The following HUNK variants were observed in gnomAD, a reference collection of about 807,000 sequenced individuals.
The protein encoded by HUNK is hormonally up-regulated Neu-associated kinase, also known as hormonally up-regulated neu tumor-associated kinase.
A neutral mutation model predicts 61.0 loss-of-function variants in HUNK; 21 were observed. The ratio of observed to expected loss-of-function variants is 0.34; its 90% CI spans 0.24 to 0.50. The LOEUF (loss-of-function observed/expected upper bound fraction) is 0.50. HUNK is among the 20% of genes least tolerant of loss of function. The pLI, the probability that HUNK is intolerant of heterozygous loss-of-function variation, is 0.98. For missense variants in HUNK, 772 were observed against 945.7 expected, an observed-to-expected ratio of 0.82 and a Z score of 2.41; for synonymous variants, 371 against 386.1, an observed-to-expected ratio of 0.96 and a Z score of 0.46.
At chr21:31,998,439 T>TTAA in intron 10 of HUNK, 87 bp from the exon 11 acceptor site, 1 of 1,284,574 alleles carries the variant, frequency 7.8e-7, no homozygotes, top group Non-Finnish European at 1.1e-6. Context: ...ACTGTCTCAG[T>TTAA]TAAGCTGGAG....
At chr21:31,882,331 A>T (rs1293603714) in intron 1 of HUNK, among the ~76,000 whole-genome samples, 1 of 152,134 alleles carries the variant, frequency 6.6e-6, no homozygotes, top group Non-Finnish European at 1.5e-5. Context: ...GGAATTGGTA[A>T]TACAGACACA....
At chr21:31,954,290 G>A (rs1231983444) in intron 4 of HUNK, among the ~76,000 whole-genome samples, 1 of 152,196 alleles carries the variant, frequency 6.6e-6, no homozygotes, top group Non-Finnish European at 1.5e-5. Context: ...AGGTCGTAGA[G>A]CAGTGGTCTG....
intron 1 of HUNK, among the ~76,000 whole-genome samples, chr21:31,914,766 TCTC>T (rs1046882158): frequency 4.6e-5 from 7 of 152,166 alleles, no homozygotes; most frequent in African/African-American, 1.4e-4. Context: ...TGGTGTCTCT[TCTC>T]CTTCTTATAA....
rs2052233877 is a variant in HUNK, at chr21:31,873,739, C to T, written c.65C>T (p.Ala22Val). The change falls in exon 1 of 11, where the codon GCG becomes GTG. Residue 22 changes from alanine (A) to valine (V), a missense_variant. By Grantham distance (64) the Ala-to-Val change is moderately conservative. Around this residue, in one of 2 missense-constraint regions of HUNK, gnomAD observed 359 missense variants for 501.3 expected, o/e 0.72. Transcript: ENST00000270112. The surrounding 1 kb of genome is among the most constrained non-coding windows in gnomAD (Gnocchi z 6.1). The part of the protein sequence containing the change: ...EPAAPGGGGG[A>V]EDAARPAAAC... The stretch of plus-strand genomic sequence containing the variant: ...GCGGCGCCTGGGGGCGGCGGCGGCG[C>T]GGAGGACGCGGCCAGGCCCGCGGCG... 1 of 1,280,316 alleles carries T rather than the reference C, an allele frequency of 7.8e-7. No homozygotes were observed. The highest frequency in any genetic ancestry group is 9.9e-7 in the Non-Finnish European group (1 of 1,014,172). The allele number at this position is 1,280,316 out of a possible 1,614,324, so 79.3% of individuals were successfully genotyped here.
At chr21:31,891,606 T>G (rs977595746) in intron 1 of HUNK, among the ~76,000 whole-genome samples, 1 of 152,228 alleles carries the variant, frequency 6.6e-6, no homozygotes, top group Admixed American at 6.5e-5. Flanking sequence ...AGAGAAACCA[T>G]TAGGCTGAAC....
intron 1 of HUNK, among the ~76,000 whole-genome samples, chr21:31,922,786 CTTA>C (rs1568926059): frequency 6.6e-6 from 1 of 152,148 alleles, no homozygotes; most frequent in African/African-American, 2.4e-5. Context: ...TATTTATTTA[CTTA>C]TTATTTATTT....
intron 4 of HUNK, among the ~76,000 whole-genome samples, chr21:31,952,401 A>G (rs1295846511): frequency 6.6e-6 from 1 of 152,198 alleles, no homozygotes; most frequent in Non-Finnish European, 1.5e-5. Context: ...CTCTGTGTAA[A>G]CTGGGCAGTT....
At chr21:31,945,190 A>G (rs1205537652) in intron 3 of HUNK, among the ~76,000 whole-genome samples, 1 of 152,180 alleles carries the variant, frequency 6.6e-6, no homozygotes, top group African/African-American at 2.4e-5. Context: ...ATCAACAAAG[A>G]TTAAGGAAAG....
At chr21:31,939,999 TATATC>T (rs1475661170) in intron 2 of HUNK, among the ~76,000 whole-genome samples, 161 bp from the exon 3 acceptor site, 1 of 152,162 alleles carries the variant, frequency 6.6e-6, no homozygotes, top group Admixed American at 6.5e-5. Flanking sequence ...TAATTATTAA[TATATC>T]ATGTCTTTTA....
chr21:31,958,563 A>G (rs757807598), intron 4 of HUNK, among the ~76,000 whole-genome samples: 1 of 152,084 alleles, frequency 6.6e-6, no homozygotes, highest in African/African-American at 2.4e-5. Context: ...CTGATGAGGC[A>G]GAGATTGAGG....
intron 1 of HUNK, among the ~76,000 whole-genome samples, chr21:31,904,644 G>A (rs188534778): frequency 8.5e-5 from 13 of 152,238 alleles, no homozygotes; most frequent in Non-Finnish European, 1.8e-4. Context: ...TGGGTCTTCC[G>A]TGTTTTAGAT....
At chr21:31,884,578 G>A (rs1378563626) in intron 1 of HUNK, among the ~76,000 whole-genome samples, 1 of 145,088 alleles carries the variant, frequency 6.9e-6, no homozygotes, top group Admixed American at 6.9e-5. Context: ...GGTGACAAGA[G>A]CAAAACTCTG....
chr21:31,927,823 C>T (rs968367474), intron 2 of HUNK, among the ~76,000 whole-genome samples: 4 of 152,154 alleles, frequency 2.6e-5, no homozygotes, highest in African/African-American at 9.7e-5. Context: ...CAGGCCTTTT[C>T]TAGAGCCAGC....
In HUNK at chr21:31,998,798, G is replaced by C. The variant is rs372047091; in HGVS notation, c.1759G>C (p.Val587Leu). Residue 587 changes from valine to leucine, a missense_variant, in exon 11 of 11, where the codon GTC becomes CTC. Coordinates refer to ENST00000270112, the MANE Select transcript of HUNK (RefSeq NM_014586.2). The stretch of plus-strand genomic sequence containing the variant: ...TCACTACAGGATTCTGAACTCCCCG[G>C]TCAGCTTGGCTCGCAGAAATTCCAG... ...SHHYRILNSP[V>L]SLARRNSSER... 5.3e-5 allele frequency: 85 copies of C among 1,614,034 alleles called. No homozygotes were observed. Among genetic ancestry groups the C allele is most frequent in the Non-Finnish European group, 7.2e-5 (85 of 1,180,052 alleles).
At chr21:31,919,496 C>T (rs1043384116) in intron 1 of HUNK, among the ~76,000 whole-genome samples, 4 of 152,190 alleles carry the variant, frequency 2.6e-5, no homozygotes, top group South Asian at 2.1e-4. Flanking sequence ...TGACTGTAAT[C>T]GTACGGCTGT....
At chr21:31,945,965 C>T in intron 3 of HUNK, 71 bp from the exon 4 acceptor site, 2 of 1,436,956 alleles carry the variant, frequency 1.4e-6, no homozygotes, top group African/African-American at 1.4e-5. Flanking sequence ...TTTTATTTTT[C>T]CTTTTGTTCC....
At chr21:31,944,276 G>C (rs900351167) in intron 3 of HUNK, among the ~76,000 whole-genome samples, 4 of 152,182 alleles carry the variant, frequency 2.6e-5, no homozygotes, top group African/African-American at 9.6e-5. Flanking sequence ...ACAGGGTTTC[G>C]CCATGTTGCC....
chr21:31,947,257 A>G (rs1177111084), intron 4 of HUNK, among the ~76,000 whole-genome samples: 1 of 149,522 alleles, frequency 6.7e-6, no homozygotes, highest in African/African-American at 2.5e-5. Flanking sequence ...GTCTCAAGCC[A>G]GTGGCGCCTG....
intron 4 of HUNK, among the ~76,000 whole-genome samples, chr21:31,952,640 C>G (rs931749746): frequency 1.3e-5 from 2 of 152,078 alleles, no homozygotes; most frequent in African/African-American, 4.8e-5. Context: ...ATCAGGATGG[C>G]CATTTGGCTT....
Sources: allele counts gnomAD v4.1 joint callset (sites outside exome capture counted in the v4.1 genomes callset), GRCh38; gene constraint gnomAD v4.1.1; regional missense constraint gnomAD v4.1.1; non-coding constraint Gnocchi (gnomAD v3.1); transcripts MANE v1.5; gene names NCBI Gene and HGNC (gene_info 2026-07-23, HGNC 2026-07-21).